Variants in OTOGL observed in about 807,000 individuals in gnomAD.
The protein encoded by OTOGL is otogelin like, also known as otogelin-like protein.
OTOGL carries 285 observed loss-of-function variants against 318.5 expected under a neutral mutation model. The ratio of observed to expected loss-of-function variants is 0.89; its 90% CI spans 0.81 to 0.99. The LOEUF is 0.99. Ranked by LOEUF, OTOGL falls within the 50% of genes least tolerant of loss-of-function variation. The probability of loss-of-function intolerance (pLI) is 0.00; values close to 1 mark genes in which losing one functional copy is unlikely to be tolerated. For missense variants in OTOGL, 2,899 were observed against 2,845.6 expected (o/e 1.02, Z -0.43); for synonymous variants, 987 against 936.5 (o/e 1.05, Z -0.99).
intron 18 of OTOGL, among the ~76,000 whole-genome samples, chr12:80,258,804 A>G (rs768746385): frequency 6.6e-6 from 1 of 151,970 alleles, no homozygotes; most frequent in Non-Finnish European, 1.5e-5. Context: ...TTGCCAGAGG[A>G]TAAGGGTCGG....
rs201989764 is a variant in OTOGL, at chr12:80,190,412, G to A, written c.-19-19001G>A. On this transcript the variant is annotated intron_variant, in intron 1 of 58. Coordinates refer to ENST00000547103, the MANE Select transcript of OTOGL (RefSeq NM_001378609.3). ...AAGATATCACTGGTATCAAATCACT[G>A]TTTGCCATTTGGGAAGAACCTATTC... Among the ~76,000 whole-genome samples, 14 of 152,246 alleles carry A rather than the reference G, an allele frequency of 9.2e-5. No homozygotes were observed. In the East Asian group the frequency reaches 2.7e-3, roughly 29 times the overall value.
At chr12:80,215,733 A>G (rs1160603783) in intron 4 of OTOGL, among the ~76,000 whole-genome samples, 2 of 152,172 alleles carry the variant, frequency 1.3e-5, no homozygotes, top group Non-Finnish European at 2.9e-5. Context: ...TTTTGGAGCC[A>G]AAGGAAGAAG....
chr12:80,301,197 T>C (rs1885735238), intron 27 of OTOGL, among the ~76,000 whole-genome samples: 1 of 152,212 alleles, frequency 6.6e-6, no homozygotes, highest in African/African-American at 2.4e-5. Context: ...AAATTTGTCT[T>C]ACTTACTTTG....
chr12:80,335,368 C>T (rs1397702651), intron 38 of OTOGL, among the ~76,000 whole-genome samples: 2 of 151,968 alleles, frequency 1.3e-5, no homozygotes, highest in Non-Finnish European at 2.9e-5. Context: ...TAGAAAATGT[C>T]TAGTTTAGCA....
At chr12:80,291,700 T>G (rs1015022823) in intron 26 of OTOGL, among the ~76,000 whole-genome samples, 2 of 152,254 alleles carry the variant, frequency 1.3e-5, no homozygotes, top group Non-Finnish European at 2.9e-5. Flanking sequence ...CAGTCATATC[T>G]GTAAATATTC....
intron 44 of OTOGL, among the ~76,000 whole-genome samples, chr12:80,347,775 C>G (rs1408736293): frequency 6.6e-6 from 1 of 152,136 alleles, no homozygotes; most frequent in Admixed American, 6.6e-5. Flanking sequence ...CACATCCTCT[C>G]CAGCATCTGT....
rs113327363 is a variant in OTOGL at position 80,260,508 on chromosome 12, C to A, written c.1890-1461C>A. On this transcript the variant is annotated intron_variant, in intron 18 of 58. Transcript: ENST00000547103. ...GGTGTGATAAGAGTGCAAGATGATA[C>A]TTCAGAGTCAGAGATAACTTGTGAA... Among the ~76,000 whole-genome samples, 347 of 152,258 alleles carry A rather than the reference C, an allele frequency of 2.3e-3. 4 individuals carry two copies. Among genetic ancestry groups the A allele is most frequent in the African/African-American group, 8.0e-3 (332 of 41,558 alleles).
At chr12:80,156,913 A>G (rs1873160947) in intron 1 of OTOGL, among the ~76,000 whole-genome samples, 1 of 152,160 alleles carries the variant, frequency 6.6e-6, no homozygotes, top group Non-Finnish European at 1.5e-5. Flanking sequence ...GAGTGCAGGT[A>G]TCTCTTCCAT....
At position 80,279,106 on chromosome 12, in the gene OTOGL, T is replaced by C; in HGVS notation, c.2868T>C (p.Tyr956=). The C allele has an allele frequency of 6.3e-7, 1 of 1,594,562 alleles. No individual in the cohort carries two copies. The highest frequency in any genetic ancestry group is 8.5e-7 in the Non-Finnish European group (1 of 1,176,144). Residue 956 remains tyrosine (Y), a synonymous_variant, in exon 26 of 59, where the codon TAT becomes TAC. Coordinates refer to ENST00000547103, the MANE Select transcript of OTOGL (RefSeq NM_001378609.3). The stretch of plus-strand genomic sequence containing the variant: ...GCACAATATACGGGGACCGACATTA[T>C]TATTCTTTTGATGGACTAGAATATG... ...AVCTIYGDRH[Y]YSFDGLEYDY...
At chr12:80,230,145 A>G (rs1879235696) in intron 8 of OTOGL, among the ~76,000 whole-genome samples, 1 of 152,192 alleles carries the variant, frequency 6.6e-6, no homozygotes, top group Admixed American at 6.6e-5. Context: ...TTCATTCAGA[A>G]TTCACTAACA....
At chr12:80,340,658 A>C (rs945860248) in intron 43 of OTOGL, among the ~76,000 whole-genome samples, 7 of 152,110 alleles carry the variant, frequency 4.6e-5, no homozygotes, top group African/African-American at 1.7e-4. Flanking sequence ...GACCTCCACA[A>C]TGAGAGAAGT....
chr12:80,281,664 A>T lies in OTOGL; in HGVS notation c.2928+2498A>T, dbSNP rs140613709. Among the ~76,000 whole-genome samples, 554 of 151,506 alleles carry T rather than the reference A, an allele frequency of 3.7e-3. 2 individuals are homozygous for T. Among genetic ancestry groups the T allele is most frequent in the African/African-American group, 0.013 (526 of 41,416 alleles). On this transcript the variant is annotated intron_variant, in intron 26 of 58. Coordinates refer to ENST00000547103, the MANE Select transcript of OTOGL (RefSeq NM_001378609.3). The stretch of plus-strand genomic sequence containing the variant: ...TATTGGCCTGAAGTTTTCTTTTTTC[A>T]TTGTATCTCTGCCAGGTTTTGGTAT...
chr12:80,127,185 T>G (rs1402858730), intron 1 of OTOGL, among the ~76,000 whole-genome samples: 10 of 152,268 alleles, frequency 6.6e-5, no homozygotes, highest in Middle Eastern at 3.4e-3. Flanking sequence ...GGTACCGGTT[T>G]TTCCTTTCCA....
At position 80,267,878 on chromosome 12, in the gene OTOGL, G is replaced by A. The variant is rs1883116887; in HGVS notation, c.2465+551G>A. Among the ~76,000 whole-genome samples the A allele has an allele frequency of 5.3e-5, 8 of 151,904 alleles. 1 individual carries two copies. The South Asian group carries it at 1.7e-3, about 32-fold the overall frequency. On this transcript the variant is annotated intron_variant, in intron 22 of 58. Coordinates refer to ENST00000547103, the MANE Select transcript of OTOGL (RefSeq NM_001378609.3). ...GAGTTATGAATTTAAGTACCTCACA[G>A]TGAAATGAAAGTCCTTTGATCATTT... is the stretch of plus-strand genomic sequence containing the variant.
chr12:80,209,401 G>T lies in OTOGL; in HGVS notation c.-19-12G>T. ...CATCATAATAAAGACCATCAATTTG[G>T]TTACATTTCAGGGGGAAAGGCTACA... is the stretch of plus-strand genomic sequence containing the variant. On this transcript the variant is annotated splice_polypyrimidine_tract_variant and intron_variant, in intron 1 of 58. Coordinates refer to ENST00000547103, the MANE Select transcript of OTOGL (RefSeq NM_001378609.3). 2 of 1,396,478 alleles carry T rather than the reference G, an allele frequency of 1.4e-6. No individual in the cohort carries two copies. The highest frequency in any genetic ancestry group is 1.9e-6 in the Non-Finnish European group (2 of 1,050,932). The allele number at this position is 1,396,478 out of a possible 1,614,324, so 86.5% of individuals were successfully genotyped here. A position where few individuals can be genotyped will look rare whatever the true frequency, so the allele number is the denominator to read the frequency against.
chr12:80,294,624 G>T lies in OTOGL; in HGVS notation c.2929-2203G>T, dbSNP rs576857870. The stretch of plus-strand genomic sequence containing the variant: ...ATCTATGAAGGAAAAATGGGTTACA[G>T]AGGGATATATTAATTACTCCATCTA... On this transcript the variant is annotated intron_variant, in intron 26 of 58. Transcript: ENST00000547103. Among the ~76,000 whole-genome samples, 33 of 152,282 alleles carry T rather than the reference G, an allele frequency of 2.2e-4. 1 individual carries two copies. In the South Asian group the frequency reaches 6.8e-3, roughly 32 times the overall value.
chr12:80,360,470 TCTCTCTCC>T (rs1890175151), intron 52 of OTOGL, among the ~76,000 whole-genome samples: 1 of 128,272 alleles, frequency 7.8e-6, no homozygotes, highest in Admixed American at 8.4e-5. Flanking sequence ...CTCTCTCTCC[TCTCTCTCC>T]CTCTCTCCCT....
At position 80,377,139 on chromosome 12, in the gene OTOGL, A is replaced by T. The variant is rs775109108; in HGVS notation, c.6798A>T (p.Arg2266Ser). The T allele has an allele frequency of 8.1e-6, 13 of 1,607,526 alleles. No individual in the cohort carries two copies. The highest frequency in any genetic ancestry group is 1.7e-4 in the Middle Eastern group (1 of 6,050). Reference sequence around the variant, plus strand: ...TTTTATCAGGCAAACGAGAAGAAAGAATATGCCAGAAAGTGATCATTAAAT... The same window carrying T: ...TTTTATCAGGCAAACGAGAAGAAAGTATATGCCAGAAAGTGATCATTAAAT... Reference protein sequence around the residue: ...GCCKICKREERICQKVIIKSV... With the variant: ...GCCKICKREESICQKVIIKSV... Residue 2266 changes from arginine (R) to serine (S), a missense_variant, in exon 58 of 59, where the codon AGA becomes AGT. By Grantham distance (110) the Arg-to-Ser change is moderately radical. Transcript: ENST00000547103.
At chr12:80,271,016 G>A (rs903537564) in intron 23 of OTOGL, among the ~76,000 whole-genome samples, 3 of 152,072 alleles carry the variant, frequency 2.0e-5, no homozygotes, top group Non-Finnish European at 4.4e-5. Context: ...TACTTTACAA[G>A]GATTCAGACA....
Sources: allele counts gnomAD v4.1 joint callset (sites outside exome capture counted in the v4.1 genomes callset), GRCh38; gene constraint gnomAD v4.1.1; transcripts MANE v1.5; gene names NCBI Gene and HGNC (gene_info 2026-07-23, HGNC 2026-07-21).